The following ELOA variants were observed in gnomAD, a reference collection of about 807,000 sequenced individuals.
The protein encoded by ELOA is elongin-A.
ELOA carries 15 observed loss-of-function variants against 85.2 expected under a neutral mutation model. That is an observed-to-expected ratio of 0.18 (90% CI 0.12 to 0.27). The LOEUF (loss-of-function observed/expected upper bound fraction) is 0.27. Among genes scored for constraint, ELOA ranks in the 10% least tolerant of loss-of-function variants. The probability of loss-of-function intolerance (pLI) is 1.00; values close to 1 mark genes in which losing one functional copy is unlikely to be tolerated. For synonymous variants in ELOA, 348 were observed against 357.2 expected (o/e 0.97, Z 0.29); for missense variants, 769 against 952.7 (o/e 0.81, Z 2.54).
At chr1:23,752,340 T>C (rs1644775081) in intron 4 of ELOA, 67 bp from the exon 5 acceptor site, 10 of 1,476,576 alleles carry the variant, frequency 6.8e-6, no homozygotes, top group Non-Finnish European at 8.4e-6. Flanking sequence ...CTCCCGGGAA[T>C]AGACTGTAGG....
intron 1 of ELOA, among the ~76,000 whole-genome samples, chr1:23,746,054 C>G (rs1188728848): frequency 1.3e-5 from 2 of 151,948 alleles, no homozygotes; most frequent in Non-Finnish European, 2.9e-5. Flanking sequence ...TTTGGGAGGC[C>G]GAGGTGAGTA....
chr1:23,746,534 G>T (rs930984444), intron 1 of ELOA, among the ~76,000 whole-genome samples: 1 of 149,278 alleles, frequency 6.7e-6, no homozygotes, highest in Admixed American at 6.7e-5. Flanking sequence ...TTGAACCCAG[G>T]AGGCGGAGGT....
intron 1 of ELOA, among the ~76,000 whole-genome samples, chr1:23,746,989 G>A (rs1644750106): frequency 6.6e-6 from 1 of 152,150 alleles, no homozygotes; most frequent in Non-Finnish European, 1.5e-5. Flanking sequence ...AATCTTGAGG[G>A]TTTTAGTTTT....
At chr1:23,748,852 C>T (rs2124457942) in intron 1 of ELOA, among the ~76,000 whole-genome samples, 169 bp from the exon 2 acceptor site, 1 of 152,246 alleles carries the variant, frequency 6.6e-6, no homozygotes, top group Admixed American at 6.5e-5. Context: ...AGAAACATAA[C>T]TTTTATGAGC....
At chr1:23,758,791 T>C (rs1263581156) in intron 10 of ELOA, among the ~76,000 whole-genome samples, 2 of 151,946 alleles carry the variant, frequency 1.3e-5, no homozygotes, top group Non-Finnish European at 2.9e-5. Flanking sequence ...CCTTAGGCAG[T>C]ACTTGCATAG....
intron 8 of ELOA, 108 bp from the exon 9 acceptor site, chr1:23,756,166 T>A: frequency 2.1e-6 from 3 of 1,413,088 alleles, no homozygotes; most frequent in Non-Finnish European, 1.9e-6. Context: ...CACCGCCCAT[T>A]CTACCCTACA....
intron 7 of ELOA, among the ~76,000 whole-genome samples, chr1:23,754,901 GTC>G (rs1215356817): frequency 2.0e-5 from 3 of 151,034 alleles, no homozygotes; most frequent in African/African-American, 4.9e-5. Flanking sequence ...TGCATCAGCT[GTC>G]TCTCTTTAAT....
intron 10 of ELOA, among the ~76,000 whole-genome samples, chr1:23,758,253 TTATTTA>T (rs1203415080): frequency 0.016 from 900 of 56,238 alleles, 48 homozygotes; most frequent in African/African-American, 0.054. Flanking sequence ...TCCAATTTAT[TTATTTA>T]TTTTTTTTTT....
chr1:23,748,253 A>C (rs1354709574), intron 1 of ELOA, among the ~76,000 whole-genome samples: 2 of 152,200 alleles, frequency 1.3e-5, no homozygotes, highest in East Asian at 3.8e-4. Flanking sequence ...CCAAGTTCCT[A>C]TTTTGCAGAT....
chr1:23,756,528 C>G lies in ELOA; in HGVS notation c.2084+143C>G, dbSNP rs878897518. ...GGCAGACCTCATCAGCTCAGCACTT[C>G]CCTCACCTCCCTCAGCCTCCGCTTC... On this transcript the variant is annotated intron_variant, in intron 9 of 10. Transcript: ENST00000613537. The G allele has an allele frequency of 1.1e-5, 7 of 663,106 alleles. No homozygotes were observed. In the South Asian group the frequency reaches 1.1e-4, roughly 11 times the overall value. 41.1% of individuals were successfully genotyped at this position (663,106 alleles called of 1,614,324 possible). A position where few individuals can be genotyped will look rare whatever the true frequency, so the allele number is the denominator to read the frequency against.
chr1:23,756,210 A>G, intron 8 of ELOA, 64 bp from the exon 9 acceptor site: 1 of 1,480,860 alleles, frequency 6.8e-7, no homozygotes, highest in East Asian at 2.5e-5. Flanking sequence ...AAGCCCGTGG[A>G]TTATTTAAAT....
In ELOA at chr1:23,751,214, C is replaced by T. The variant is rs748476634; in HGVS notation, c.609C>T (p.Pro203=). 5 of 1,614,220 alleles carry T rather than the reference C, an allele frequency of 3.1e-6. No homozygotes were observed. The highest frequency in any genetic ancestry group is 2.2e-5 in the East Asian group (1 of 44,884). The change falls in exon 4 of 11, where the codon CCC becomes CCT. Residue 203 remains proline, a synonymous_variant. Coordinates refer to ENST00000613537, the MANE Select transcript of ELOA (RefSeq NM_003198.3). ...GATCCCTGGAGGAGGACCAGGAGCC[C>T]ATTGTTTCACACCAGAAGCCTGGGA... ...HYRSLEEDQE[P]IVSHQKPGKG... is the part of the protein sequence containing the mutation.
chr1:23,758,377 G>A (rs1002897564), intron 10 of ELOA, among the ~76,000 whole-genome samples: 3 of 136,944 alleles, frequency 2.2e-5, no homozygotes, highest in East Asian at 2.3e-4. Context: ...AGGTTCAAGC[G>A]ATTCTCCTGC....
rs1321924540 is a variant in ELOA at position 23,758,255 on chromosome 1, ATTTATTTTTTTTTTTTTTTTT to A, written c.2257+1134_2257+1154del. ...TCTAATTGGGTCTTCCAATTTATTT[ATTTATTTTTTTTTTTTTTTTT>A]TTTTTTTTTTTTTTGGAGACAGAGT... On this transcript the variant is annotated intron_variant, in intron 10 of 10. Coordinates refer to ENST00000613537, the MANE Select transcript of ELOA (RefSeq NM_003198.3). 1.4e-4 allele frequency among the ~76,000 whole-genome samples: 5 copies of A among 36,192 alleles called. No homozygotes were observed. In the East Asian group the frequency reaches 2.4e-3, roughly 17 times the overall value. 23.7% of individuals were successfully genotyped at this position (36,192 alleles called of 152,430 possible). A position where few individuals can be genotyped will look rare whatever the true frequency, so the allele number is the denominator to read the frequency against.
intron 7 of ELOA, among the ~76,000 whole-genome samples, chr1:23,754,723 T>C (rs1644787043): frequency 6.6e-6 from 1 of 152,148 alleles, no homozygotes; most frequent in Admixed American, 6.5e-5. Context: ...TGAGCTTGCC[T>C]AGTCATGAAG....
chr1:23,756,454 G>A (rs1570593931), intron 9 of ELOA, 69 bp downstream of exon 9: 2 of 1,410,436 alleles, frequency 1.4e-6, no homozygotes, highest in Non-Finnish European at 1.9e-6. Flanking sequence ...GCGGCAGGAA[G>A]CAAATTGCTT....
intron 10 of ELOA, 101 bp downstream of exon 10, chr1:23,757,226 A>T: frequency 7.8e-7 from 1 of 1,288,016 alleles, no homozygotes; most frequent in Non-Finnish European, 1.0e-6. Flanking sequence ...TGCATGTTGC[A>T]TGTACATGAT....
At position 23,754,111 on chromosome 1, in the gene ELOA, C is replaced by A. The variant is rs553236953; in HGVS notation, c.1549C>A (p.Pro517Thr). 1 of 1,614,110 alleles carries A rather than the reference C, an allele frequency of 6.2e-7. No homozygotes were observed. The highest frequency in any genetic ancestry group is 1.3e-5 in the African/African-American group (1 of 75,018). Residue 517 changes from proline to threonine, a missense_variant, in exon 6 of 11, where the codon CCC becomes ACC. Coordinates refer to ENST00000613537, the MANE Select transcript of ELOA (RefSeq NM_003198.3). ...TTCTTGCCCTATAGCGTTCTCTTCA[C>A]CCCAGGAAGAAGAAGAAGCTGGATT... is the stretch of plus-strand genomic sequence containing the variant. ...FQPKRKAFSS[P>T]QEEEEAGFTG...
chr1:23,758,251 A>T lies in ELOA; in HGVS notation c.2257+1126A>T, dbSNP rs889779583. On this transcript the variant is annotated intron_variant, in intron 10 of 10. Transcript: ENST00000613537. ...TATATCTAATTGGGTCTTCCAATTT[A>T]TTTATTTATTTTTTTTTTTTTTTTT... Among the ~76,000 whole-genome samples the T allele has an allele frequency of 6.5e-3, 316 of 48,524 alleles. 16 individuals carry two copies. Among genetic ancestry groups the T allele is most frequent in the African/African-American group, 0.021 (231 of 11,062 alleles). The allele number at this position is 48,524 out of a possible 152,430, so 31.8% of individuals were successfully genotyped here.
Sources: allele counts gnomAD v4.1 joint callset (sites outside exome capture counted in the v4.1 genomes callset), GRCh38; gene constraint gnomAD v4.1.1; transcripts MANE v1.5; gene names NCBI Gene and HGNC (gene_info 2026-07-23, HGNC 2026-07-21).